The following PCNX2 variants were observed in gnomAD, a reference collection of about 807,000 sequenced individuals.
PCNX2 encodes the protein pecanex-like protein 2.
PCNX2 carries 168 observed loss-of-function variants against 223.8 expected under a neutral mutation model. That is an observed-to-expected ratio of 0.75 (90% CI 0.66 to 0.85). The LOEUF is 0.85. PCNX2 is among the 40% of genes least tolerant of loss of function. PCNX2 has a pLI of 0.00. For missense variants in PCNX2, 2,507 were observed against 2,675.5 expected (o/e 0.94, Z 1.39); for synonymous variants, 1,006 against 1,052.6 (o/e 0.96, Z 0.86).
chr1:233,117,837 C>T (rs1003991113), intron 21 of PCNX2, among the ~76,000 whole-genome samples: 4 of 150,878 alleles, frequency 2.7e-5, no homozygotes, highest in African/African-American at 7.3e-5. Context: ...GGTGAAACCC[C>T]GTCTCTACTA....
At chr1:233,229,389 C>T (rs1657927268) in intron 9 of PCNX2, among the ~76,000 whole-genome samples, 2 of 152,152 alleles carry the variant, frequency 1.3e-5, no homozygotes, top group African/African-American at 4.8e-5. Context: ...CAGAAGAGAG[C>T]TTTGCGGAAA....
intron 15 of PCNX2, among the ~76,000 whole-genome samples, chr1:233,183,378 C>T (rs1221299842): frequency 6.6e-6 from 1 of 152,172 alleles, no homozygotes; most frequent in Non-Finnish European, 1.5e-5. Flanking sequence ...AGCACCCTGA[C>T]ATATCCTTGC....
At chr1:233,031,481 T>C (rs558556758) in intron 25 of PCNX2, among the ~76,000 whole-genome samples, 2 of 152,356 alleles carry the variant, frequency 1.3e-5, no homozygotes, top group East Asian at 1.9e-4. Context: ...TAGCAGTATA[T>C]TGTATTACCT....
intron 21 of PCNX2, among the ~76,000 whole-genome samples, chr1:233,106,694 A>G (rs967422798): frequency 6.6e-6 from 1 of 152,120 alleles, no homozygotes; most frequent in Non-Finnish European, 1.5e-5. Context: ...GGAAATGGGT[A>G]TGACAGCCAA....
intron 27 of PCNX2, among the ~76,000 whole-genome samples, chr1:233,015,386 C>G (rs1670615853): frequency 1.3e-5 from 2 of 152,168 alleles, no homozygotes. Context: ...AACCCCATCT[C>G]CATAAAATTT....
upstream of PCNX2, among the ~76,000 whole-genome samples, chr1:233,295,990 C>CT (rs1662094930): frequency 8.7e-6 from 1 of 115,066 alleles, no homozygotes; most frequent in Non-Finnish European, 1.8e-5. This position sits in a 1 kb window ranked among gnomAD's most constrained non-coding sequence, Gnocchi z 4.1. Flanking sequence ...CTCTTTTTTT[C>CT]TTTCTTTCTT....
intron 1 of PCNX2, among the ~76,000 whole-genome samples, chr1:233,277,966 T>C (rs1012002592): frequency 1.3e-5 from 2 of 152,218 alleles, no homozygotes; most frequent in Non-Finnish European, 2.9e-5. Context: ...TTTTCAACAT[T>C]ACTGATTATG....
upstream of PCNX2, among the ~76,000 whole-genome samples, chr1:233,297,533 G>A (rs1216937674): frequency 6.6e-6 from 1 of 152,136 alleles, no homozygotes; most frequent in Non-Finnish European, 1.5e-5. Context: ...CAGGGAACTG[G>A]GTCTTAAAGC....
At chr1:233,247,065 G>A (rs987840571) in intron 8 of PCNX2, among the ~76,000 whole-genome samples, 2 of 152,186 alleles carry the variant, frequency 1.3e-5, no homozygotes, top group Non-Finnish European at 2.9e-5. Context: ...TGAGACAATC[G>A]GAATATCCAC....
intron 17 of PCNX2, among the ~76,000 whole-genome samples, chr1:233,175,233 C>T (rs893031791): frequency 3.9e-5 from 6 of 152,054 alleles, no homozygotes; most frequent in African/African-American, 1.4e-4. Flanking sequence ...ATGTGATATT[C>T]CCATTAAAAT....
In PCNX2 at chr1:233,258,859, T is replaced by C; in HGVS notation, c.1003A>G (p.Thr335Ala). 1 of 1,613,742 alleles carries C rather than the reference T, an allele frequency of 6.2e-7. No homozygotes were observed. The highest frequency in any genetic ancestry group is 8.5e-7 in the Non-Finnish European group (1 of 1,179,836). Residue 335 changes from threonine (T) to alanine (A), a missense_variant, in exon 5 of 34, where the codon ACC becomes GCC. By Grantham distance (58) the Thr-to-Ala change is moderately conservative (BLOSUM62 0). Transcript: ENST00000258229. ...EPADTSCQVD[T>A]SCQGDLPLHQ... ...AAGGGCAGGTCCCCCTGGCAGGAGG[T>C]ATCTACCTGACAGGATGTGTCTGCT...
At chr1:233,093,023 T>C (rs1322158048) in intron 22 of PCNX2, among the ~76,000 whole-genome samples, 10 of 152,068 alleles carry the variant, frequency 6.6e-5, no homozygotes, top group Admixed American at 2.6e-4. Context: ...ATGGTCTCAA[T>C]CTCCTGACCT....
chr1:233,311,287 G>A, the PCNX2 span, among the ~76,000 whole-genome samples: 2 of 152,180 alleles, frequency 1.3e-5, no homozygotes, highest in Admixed American at 1.3e-4. Context: ...AGCAGTTGTT[G>A]AACAACTAAG....
rs1290214775 is a variant in PCNX2, at chr1:233,284,463, G to C, written c.153+10863C>G. Among the ~76,000 whole-genome samples, 18 of 152,198 alleles carry C rather than the reference G, an allele frequency of 1.2e-4. No homozygotes were observed. In the East Asian group the frequency reaches 3.5e-3, roughly 29 times the overall value. On this transcript the variant is annotated intron_variant, in intron 1 of 33. Coordinates refer to ENST00000258229, the MANE Select transcript of PCNX2 (RefSeq NM_014801.4). ...TACTCATTCATCAGACTTCAGATTA[G>C]AAGTTACTTCCTCCTCTGGGAAGCC...
At chr1:233,322,682 A>G in the PCNX2 span, among the ~76,000 whole-genome samples, 913 of 152,294 alleles carry the variant, frequency 6.0e-3, 19 homozygotes, top group East Asian at 0.063. Flanking sequence ...GGCAGGCAGC[A>G]GAAGGGCAGA....
intron 17 of PCNX2, 119 bp downstream of exon 17, chr1:233,177,683 G>T: frequency 1.3e-6 from 1 of 796,580 alleles, no homozygotes; most frequent in Non-Finnish European, 2.0e-6. Flanking sequence ...TACCAAGCGA[G>T]GTGTATCTTT....
At chr1:233,200,105 T>G (rs943339145) in intron 14 of PCNX2, 49 bp downstream of exon 14, 2 of 1,422,418 alleles carry the variant, frequency 1.4e-6, no homozygotes, top group Non-Finnish European at 1.9e-6. Flanking sequence ...TTAGTCCTTA[T>G]CTGAACTCTG....
chr1:233,268,062 C>A lies in PCNX2; in HGVS notation c.154-4899G>T, dbSNP rs1378842722. On this transcript the variant is annotated intron_variant, in intron 1 of 33. Coordinates refer to ENST00000258229, the MANE Select transcript of PCNX2 (RefSeq NM_014801.4). ...GAGTAGCTGGGACTACAGGCGCGCA[C>A]CACCAAGCCCAGCTAATTTTTGTAT... is the stretch of plus-strand genomic sequence containing the variant. 2.0e-5 allele frequency among the ~76,000 whole-genome samples: 3 copies of A among 152,260 alleles called. No homozygotes were observed. The East Asian group carries it at 5.8e-4, about 29-fold the overall frequency.
intron 9 of PCNX2, among the ~76,000 whole-genome samples, chr1:233,233,424 C>CTCTGTGTG (rs1491577839): frequency 1.4e-5 from 2 of 140,342 alleles, no homozygotes; most frequent in African/African-American, 5.4e-5. Flanking sequence ...TCCTCTTCTC[C>CTCTGTGTG]TGTGTGTGTG....
Sources: gnomAD v4.1 joint callset for allele counts (sites outside exome capture counted in the v4.1 genomes callset) on GRCh38, gnomAD v4.1.1 for gene constraint, Gnocchi (gnomAD v3.1) non-coding constraint, MANE v1.5 for transcripts, NCBI Gene and HGNC (gene_info 2026-07-23, HGNC 2026-07-21) for gene names.